The following ITK variants were observed in gnomAD, a reference collection of about 807,000 sequenced individuals.
The protein encoded by ITK is IL2 inducible T cell kinase.
A neutral mutation model predicts 87.6 loss-of-function variants in ITK; 45 were observed. The ratio of observed to expected loss-of-function variants is 0.51; its 90% CI spans 0.40 to 0.66. The LOEUF is 0.66. Ranked by LOEUF, ITK falls within the 30% of genes least tolerant of loss-of-function variation. The pLI is 0.00. For synonymous variants in ITK, 303 were observed against 273.6 expected (o/e 1.11, Z -1.06); for missense variants, 605 against 766.3 (o/e 0.79, Z 2.48).
rs1754136643 is a variant in ITK at position 157,209,143 on chromosome 5, G to A, written c.243+150G>A. ...GAGGTCAGGAGTTCAAGACCAGCCT[G>A]GCCAACATGAAACCCCATCTCTACT... On this transcript the variant is annotated intron_variant, in intron 2 of 16. Coordinates refer to ENST00000422843, the MANE Select transcript of ITK (RefSeq NM_005546.4). 5 of 694,268 alleles carry A rather than the reference G, an allele frequency of 7.2e-6. No individual in the cohort carries two copies. The East Asian group carries it at 1.4e-4, about 19-fold the overall frequency. 43.0% of individuals were successfully genotyped at this position (694,268 alleles called of 1,614,324 possible).
At chr5:157,244,891 A>C in intron 13 of ITK, 1 of 268,772 alleles carries the variant, frequency 3.7e-6, no homozygotes, top group Non-Finnish European at 7.4e-6. Flanking sequence ...AGGAATATTC[A>C]TTTTAACACA....
intron 4 of ITK, 83 bp from the exon 5 acceptor site, chr5:157,217,784 G>C: frequency 2.3e-6 from 3 of 1,284,578 alleles, no homozygotes; most frequent in Non-Finnish European, 3.4e-6. Flanking sequence ...CTTTTTCTCA[G>C]AAAAACCCCC....
chr5:157,200,806 A>C (rs1753955105), intron 1 of ITK, among the ~76,000 whole-genome samples: 1 of 152,042 alleles, frequency 6.6e-6, no homozygotes, highest in Non-Finnish European at 1.5e-5. Flanking sequence ...TGGTAGGAGA[A>C]CTCCTCCTTG....
At chr5:157,196,372 TA>T (rs1490764223) in intron 1 of ITK, among the ~76,000 whole-genome samples, 1 of 152,188 alleles carries the variant, frequency 6.6e-6, no homozygotes, top group Non-Finnish European at 1.5e-5. Flanking sequence ...GATAGGGGTT[TA>T]AAAAATAGTA....
chr5:157,194,841 T>C (rs566285438), intron 1 of ITK, among the ~76,000 whole-genome samples: 1 of 152,314 alleles, frequency 6.6e-6, no homozygotes, highest in Non-Finnish European at 1.5e-5. Context: ...GACAATACTA[T>C]TTGAGGGAAC....
chr5:157,236,602 C>T (rs1754779995), intron 8 of ITK, among the ~76,000 whole-genome samples: 1 of 152,010 alleles, frequency 6.6e-6, no homozygotes, highest in South Asian at 2.1e-4. Context: ...TACTTAGGGC[C>T]CTCATTGTGA....
At chr5:157,194,851 C>A (rs1458239353) in intron 1 of ITK, among the ~76,000 whole-genome samples, 1 of 152,080 alleles carries the variant, frequency 6.6e-6, no homozygotes, top group East Asian at 1.9e-4. Context: ...TTTGAGGGAA[C>A]TAGGGTATGG....
intron 13 of ITK, chr5:157,245,177 A>C: frequency 5.4e-6 from 1 of 184,956 alleles, no homozygotes; most frequent in South Asian, 1.0e-4. Context: ...GTGAGCTGAG[A>C]TCAAGCCACT....
intron 5 of ITK, 92 bp downstream of exon 5, chr5:157,217,999 T>G: frequency 8.7e-7 from 1 of 1,149,670 alleles, no homozygotes; most frequent in East Asian, 2.3e-5. Context: ...CCCCATAGTT[T>G]TCAAACCCTG....
intron 6 of ITK, among the ~76,000 whole-genome samples, chr5:157,226,413 T>C (rs1283383457): frequency 6.6e-6 from 1 of 152,196 alleles, no homozygotes; most frequent in Non-Finnish European, 1.5e-5. Flanking sequence ...ATTGTAAAAG[T>C]ATAGTATGGC....
chr5:157,183,930 T>C (rs745664699), intron 1 of ITK, among the ~76,000 whole-genome samples: 2 of 152,198 alleles, frequency 1.3e-5, no homozygotes, highest in African/African-American at 2.4e-5. Flanking sequence ...ATCATGCCTA[T>C]TGTCATTATA....
At chr5:157,226,513 T>C (rs1364940484) in intron 6 of ITK, among the ~76,000 whole-genome samples, 1 of 152,256 alleles carries the variant, frequency 6.6e-6, no homozygotes, top group Non-Finnish European at 1.5e-5. Flanking sequence ...TTGGAATGGC[T>C]GCCTTGAGCA....
At chr5:157,189,361 G>C (rs1425588334) in intron 1 of ITK, among the ~76,000 whole-genome samples, 1 of 152,158 alleles carries the variant, frequency 6.6e-6, no homozygotes, top group African/African-American at 2.4e-5. Context: ...TTTAGATTCT[G>C]ACTCAGTCTG....
intron 13 of ITK, chr5:157,245,312 G>T (rs1418273156): frequency 6.2e-6 from 2 of 322,864 alleles, no homozygotes; most frequent in Non-Finnish European, 1.2e-5. Context: ...ACTAATTAGG[G>T]GTCAGGTACT....
intron 1 of ITK, among the ~76,000 whole-genome samples, chr5:157,197,423 A>G (rs1443565046): frequency 6.6e-6 from 1 of 152,184 alleles, no homozygotes; most frequent in African/African-American, 2.4e-5. Flanking sequence ...GTATTAAAAT[A>G]TTATTTTCAT....
At position 157,210,694 on chromosome 5, in the gene ITK, C is replaced by A. The variant is rs1276221959; in HGVS notation, c.244-593C>A. On this transcript the variant is annotated intron_variant, in intron 2 of 16. Transcript: ENST00000422843. ...TATCTCCCAATGCTATCCCTCCCCC[C>A]TCCCCCCACCCCACCACAGTCCCCA... is the stretch of plus-strand genomic sequence containing the variant. Among the ~76,000 whole-genome samples the A allele has an allele frequency of 7.8e-5, 8 of 102,298 alleles. No individual in the cohort carries two copies. The East Asian group carries it at 2.6e-3, about 33-fold the overall frequency. 67.1% of individuals were successfully genotyped at this position (102,298 alleles called of 152,430 possible). A position where few individuals can be genotyped will look rare whatever the true frequency, so the allele number is the denominator to read the frequency against.
intron 14 of ITK, 24 bp downstream of exon 14, chr5:157,245,814 T>G: frequency 6.2e-7 from 1 of 1,613,114 alleles, no homozygotes; most frequent in Non-Finnish European, 8.5e-7. Context: ...GTGGTGCCGG[T>G]GAAGTCTCAG....
At chr5:157,184,524 G>A (rs1185381895) in intron 1 of ITK, among the ~76,000 whole-genome samples, 1 of 152,130 alleles carries the variant, frequency 6.6e-6, no homozygotes, top group Non-Finnish European at 1.5e-5. Context: ...AGGGAAAATG[G>A]AGAGCCTCAG....
intron 1 of ITK, among the ~76,000 whole-genome samples, chr5:157,185,105 C>T (rs775942467): frequency 1.3e-5 from 2 of 152,134 alleles, no homozygotes; most frequent in Non-Finnish European, 2.9e-5. Flanking sequence ...CCTTTCCTTG[C>T]TTTTGAAAGC....
Sources: gnomAD v4.1 joint callset for allele counts (sites outside exome capture counted in the v4.1 genomes callset) on GRCh38, gnomAD v4.1.1 for gene constraint, MANE v1.5 for transcripts, NCBI Gene and HGNC (gene_info 2026-07-23, HGNC 2026-07-21) for gene names.